ZNF718: variants seen among roughly 807,000 people sequenced by gnomAD.
ZNF718 encodes the protein zinc finger protein 718.
Under a neutral mutation model 2.6 loss-of-function variants are expected in ZNF718, and 3 were observed. The observed-to-expected ratio is 1.16, with a 90% CI of 0.53 to 3.01. The LOEUF is 3.01. Among genes scored for constraint, ZNF718 ranks in the 30% most tolerant of loss-of-function variants. ZNF718 has a pLI of 0.03. For synonymous variants in ZNF718, 135 were observed against 77.9 expected (o/e 1.73, Z -3.86); for missense variants, 468 against 230.0 (o/e 2.03, Z -6.69).
In ZNF718 at chr4:162,092, T is replaced by G. The variant is rs782603028; in HGVS notation, c.1407T>G (p.His469Gln). ...AFKQYSNLPQ[H>Q]KRTHTGGKF ...AGCAGTACTCCAACCTTCCTCAACA[T>G]AAGAGAACTCATACTGGAGGAAAAT... is the stretch of plus-strand genomic sequence containing the variant. The change falls in exon 4 of 4, where the codon CAT (histidine) becomes CAG (glutamine). Residue 469 changes from histidine (H) to glutamine (Q), a missense_variant. His to Gln is a conservative substitution (Grantham distance 24). Transcript: ENST00000510175. 15 of 758,608 alleles carry G rather than the reference T, an allele frequency of 2.0e-5. No homozygotes were observed. The highest frequency in any genetic ancestry group is 3.4e-5 in the Non-Finnish European group (14 of 409,268). 47.0% of individuals were successfully genotyped at this position (758,608 alleles called of 1,614,324 possible). A position where few individuals can be genotyped will look rare whatever the true frequency, so the allele number is the denominator to read the frequency against.
chr4:139,981 G>A (rs895541734), intron 3 of ZNF718, among the ~76,000 whole-genome samples: 4 of 151,816 alleles, frequency 2.6e-5, no homozygotes, highest in Non-Finnish European at 4.4e-5. Context: ...TCTTTAAGTC[G>A]CTGTTTATAA....
chr4:169,219 A>G (rs1717166212), intron 3 of ZNF718, among the ~76,000 whole-genome samples: 1 of 151,980 alleles, frequency 6.6e-6, no homozygotes, highest in Non-Finnish European at 1.5e-5. Flanking sequence ...TCTGAGAGAC[A>G]GTGTTATAAT....
chr4:170,830 G>A (rs113108316), intron 3 of ZNF718, among the ~76,000 whole-genome samples: 35,000 of 151,964 alleles, frequency 0.23, 4,333 homozygotes, highest in Non-Finnish European at 0.28. Context: ...ATCATCTGAA[G>A]CCTTCTTGTC....
At chr4:133,937 C>T (rs1456956904) in intron 3 of ZNF718, among the ~76,000 whole-genome samples, 4 of 152,152 alleles carry the variant, frequency 2.6e-5, no homozygotes, top group African/African-American at 9.7e-5. Flanking sequence ...CACTTAAGGT[C>T]TACTGTTGTA....
downstream of ZNF718, among the ~76,000 whole-genome samples, chr4:166,678 C>T (rs927965411): frequency 2.6e-5 from 4 of 152,136 alleles, no homozygotes; most frequent in African/African-American, 9.7e-5. Context: ...ATATCCTTCA[C>T]CCACTTTTTG....
chr4:157,103 CTTTTTTTTTTTTTTT>C (rs199814257), intron 3 of ZNF718, among the ~76,000 whole-genome samples: 2 of 103,150 alleles, frequency 1.9e-5, no homozygotes, highest in Admixed American at 1.0e-4. Context: ...TTCTTTCTTT[CTTTTTTTTTTTTTTT>C]TTTTTTTTTT....
At chr4:181,157 G>A (rs1717454622) in intron 3 of ZNF718, among the ~76,000 whole-genome samples, 1 of 90,728 alleles carries the variant, frequency 1.1e-5, no homozygotes, top group African/African-American at 3.8e-5. Context: ...CCAGTGCCCA[G>A]CTTTTTTTTT....
chr4:185,009 G>A (rs1053425487), intron 3 of ZNF718, among the ~76,000 whole-genome samples: 3 of 151,972 alleles, frequency 2.0e-5, no homozygotes, highest in Admixed American at 2.0e-4. Flanking sequence ...GTTCTGTTCA[G>A]CTCTGATCTT....
At chr4:142,991 A>G (rs1715879564) in intron 3 of ZNF718, among the ~76,000 whole-genome samples, 1 of 152,210 alleles carries the variant, frequency 6.6e-6, no homozygotes, top group Admixed American at 6.5e-5. Context: ...AAATGCTTGC[A>G]TGCAGCCATC....
At chr4:136,341 C>A in intron 3 of ZNF718, 1 of 519,546 alleles carries the variant, frequency 1.9e-6, no homozygotes, top group South Asian at 1.4e-5. Context: ...GGGAACATAG[C>A]TGAGGCCGAG....
In ZNF718 at chr4:127,795, C is replaced by T. The variant is rs1416306538; in HGVS notation, c.4-2993C>T. The stretch of plus-strand genomic sequence containing the variant: ...TAATGCCACACTGGACACTATAATC[C>T]ACACCCAATAGCTTAACAATGTATA... On this transcript the variant is annotated intron_variant, in intron 1 of 3. Transcript: ENST00000510175. Among the ~76,000 whole-genome samples, 183 of 104,470 alleles carry T rather than the reference C, an allele frequency of 1.8e-3. 53 individuals are homozygous for T. The highest frequency in any genetic ancestry group is 5.9e-3 in the African/African-American group (179 of 30,174). The allele number at this position is 104,470 out of a possible 152,430, so 68.5% of individuals were successfully genotyped here.
downstream of ZNF718, among the ~76,000 whole-genome samples, chr4:164,525 A>T (rs1001902609): frequency 6.6e-6 from 1 of 152,118 alleles, no homozygotes; most frequent in Non-Finnish European, 1.5e-5. Context: ...CATGCTAGTG[A>T]TATAATTCAC....
chr4:201,308 A>G (rs1270325130), intron 4 of ZNF718: 1 of 152,508 alleles, frequency 6.6e-6, no homozygotes, highest in African/African-American at 2.4e-5. Context: ...ACTGACACCA[A>G]TAGAGAGAGT....
At chr4:189,535 A>C (rs1213121961) in intron 3 of ZNF718, among the ~76,000 whole-genome samples, 2 of 152,116 alleles carry the variant, frequency 1.3e-5, no homozygotes, top group African/African-American at 4.8e-5. Context: ...TAAGTTTTTG[A>C]TAAATTTATA....
chr4:168,254 G>A (rs769743700), downstream of ZNF718, among the ~76,000 whole-genome samples: 1 of 152,174 alleles, frequency 6.6e-6, no homozygotes, highest in Non-Finnish European at 1.5e-5. Flanking sequence ...CGGTTTGCCA[G>A]TATTTTATTG....
intron 3 of ZNF718, among the ~76,000 whole-genome samples, chr4:179,861 T>C (rs192199339): frequency 5.5e-4 from 84 of 152,346 alleles, no homozygotes; most frequent in Non-Finnish European, 1.1e-3. Flanking sequence ...TGAATTGCTT[T>C]TTATTTTCTA....
chr4:163,947 A>G lies in ZNF718; in HGVS notation c.*1825A>G, dbSNP rs1308356340. 8 of 152,116 alleles carry G rather than the reference A, an allele frequency of 5.3e-5. No homozygotes were observed. The highest frequency in any genetic ancestry group is 5.2e-4 in the Admixed American group (8 of 15,258). The allele number at this position is 152,116 out of a possible 1,614,324, so 9.4% of individuals were successfully genotyped here. ...TGGGTTACTTTGATACAGACATGCAACATGTAATCACATCAGAGTAAATGA... is the reference window on the plus strand; with the variant it reads ...TGGGTTACTTTGATACAGACATGCAGCATGTAATCACATCAGAGTAAATGA... On this transcript the variant is annotated 3_prime_UTR_variant, in exon 4 of 4. Coordinates refer to ENST00000510175, the MANE Select transcript of ZNF718 (RefSeq NM_001039127.6).
intron 3 of ZNF718, among the ~76,000 whole-genome samples, chr4:140,100 AC>A (rs1439209013): frequency 2.0e-5 from 3 of 151,816 alleles, no homozygotes; most frequent in South Asian, 2.1e-4. Context: ...GTTTTAAGGG[AC>A]TTAAACCTTC....
At position 132,318 on chromosome 4, in the gene ZNF718, C is replaced by T. The variant is rs1715370216; in HGVS notation, c.226+813C>T. On this transcript the variant is annotated intron_variant, in intron 3 of 3. Coordinates refer to ENST00000510175, the MANE Select transcript of ZNF718 (RefSeq NM_001039127.6). ...TTTCTCTTAGGGTCATCTTCTCTCCCATGCTCTTAAATCTAAGAATTCTGT... is the reference window on the plus strand; with the variant it reads ...TTTCTCTTAGGGTCATCTTCTCTCCTATGCTCTTAAATCTAAGAATTCTGT... Among the ~76,000 whole-genome samples the T allele has an allele frequency of 2.9e-5, 3 of 103,626 alleles. No homozygotes were observed. In the South Asian group the frequency reaches 9.0e-4, roughly 31 times the overall value. 68.0% of individuals were successfully genotyped at this position (103,626 alleles called of 152,430 possible).
Sources: allele counts gnomAD v4.1 joint callset (sites outside exome capture counted in the v4.1 genomes callset), GRCh38; gene constraint gnomAD v4.1.1; transcripts MANE v1.5; gene names NCBI Gene and HGNC (gene_info 2026-07-23, HGNC 2026-07-21).